XIRP2: variants seen among roughly 807,000 people sequenced by gnomAD.
The protein encoded by XIRP2 is xin actin binding repeat containing 2, also known as xin actin-binding repeat-containing protein 2.
Under a neutral mutation model 277.0 loss-of-function variants are expected in XIRP2, and 236 were observed. The observed-to-expected ratio is 0.85, with a 90% CI of 0.77 to 0.95. XIRP2 has a LOEUF of 0.95. Among genes scored for constraint, XIRP2 ranks in the 40% least tolerant of loss-of-function variants. XIRP2 has a pLI of 0.00. For synonymous variants in XIRP2, 1,490 were observed against 1,416.5 expected, an observed-to-expected ratio of 1.05 and a Z score of -1.17; for missense variants, 4,640 against 4,157.5, an observed-to-expected ratio of 1.12 and a Z score of -3.19.
rs367842428 is a variant in XIRP2 at position 166,916,229 on chromosome 2, T to G, written c.408+12339T>G. On this transcript the variant is annotated intron_variant, in intron 2 of 10. Transcript: ENST00000409195. Reference sequence around the variant, plus strand: ...ACATTTTGGCTTCCACTACATAAAATCATTTCATTAGATGCTAGAATTTAT... The same window carrying G: ...ACATTTTGGCTTCCACTACATAAAAGCATTTCATTAGATGCTAGAATTTAT... Among the ~76,000 whole-genome samples the G allele has an allele frequency of 6.6e-4, 101 of 152,300 alleles. No individual in the cohort carries two copies. The South Asian group carries it at 7.0e-3, about 11-fold the overall frequency.
At chr2:166,966,325 G>C (rs1686431822) in intron 2 of XIRP2, among the ~76,000 whole-genome samples, 1 of 151,628 alleles carries the variant, frequency 6.6e-6, no homozygotes, top group Admixed American at 6.6e-5. Flanking sequence ...ATTAATTTCT[G>C]TTCATATAAC....
At position 167,248,825 on chromosome 2, in the gene XIRP2, A is replaced by C. The variant is rs746133213; in HGVS notation, c.7433A>C (p.Lys2478Thr). 5.6e-6 allele frequency: 9 copies of C among 1,613,580 alleles called. No homozygotes were observed. The highest frequency in any genetic ancestry group is 1.3e-5 in the African/African-American group (1 of 74,860). The change falls in exon 9 of 11, where the codon AAG (lysine) becomes ACG (threonine). Residue 2478 changes from lysine to threonine, a missense_variant. Physicochemically the swap from Lys to Thr is moderately conservative, Grantham distance 78. Coordinates refer to ENST00000409195, the MANE Select transcript of XIRP2 (RefSeq NM_152381.6). ...VMTSSEHTET[K>T]QNVISKSLDE... ...ACCAGCAGTGAACACACGGAGACAA[A>C]GCAGAACGTTATTAGTAAGAGTCTT...
Position 167,248,330 on chromosome 2 carries a change from C to T in XIRP2, c.6938C>T (p.Pro2313Leu), listed in dbSNP as rs747784831. The T allele has an allele frequency of 1.9e-6, 3 of 1,613,790 alleles. No homozygotes were observed. Among genetic ancestry groups the T allele is most frequent in the Admixed American group, 3.3e-5 (2 of 59,994 alleles). The change falls in exon 9 of 11, where the codon CCA (proline) becomes CTA (leucine). Residue 2313 changes from proline (P) to leucine (L), a missense_variant. Pro to Leu is a moderately conservative substitution (Grantham distance 98). Transcript: ENST00000409195. ...GAAATTGAATTTCCTCTTCCTCCTC[C>T]ACCTCCTTTGATGATGTTTCCTGAA... ...SSEIEFPLPP[P>L]PPLMMFPEKN...
At chr2:166,976,364 TTCTA>T (rs1470401183) in intron 2 of XIRP2, among the ~76,000 whole-genome samples, 1 of 152,234 alleles carries the variant, frequency 6.6e-6, no homozygotes, top group Non-Finnish European at 1.5e-5. Flanking sequence ...CTGAAATGTG[TTCTA>T]TCTGTCTTGT....
chr2:167,200,357 T>C (rs570879589), intron 3 of XIRP2, among the ~76,000 whole-genome samples: 1 of 152,338 alleles, frequency 6.6e-6, no homozygotes, highest in East Asian at 1.9e-4. Flanking sequence ...TAGCAAATTT[T>C]TAAAGTGAGT....
At chr2:167,214,723 T>C (rs749338942) in intron 4 of XIRP2, among the ~76,000 whole-genome samples, 5 of 151,964 alleles carry the variant, frequency 3.3e-5, no homozygotes, top group Admixed American at 6.6e-5. Flanking sequence ...TGTGCCACCA[T>C]GCCCGGCTAA....
At chr2:167,014,572 A>G (rs1430891086) in intron 2 of XIRP2, among the ~76,000 whole-genome samples, 1 of 151,752 alleles carries the variant, frequency 6.6e-6, no homozygotes, top group African/African-American at 2.4e-5. Flanking sequence ...AGTGGAGAAT[A>G]TAAAAGCAAA....
chr2:167,235,964 G>T lies in XIRP2; in HGVS notation c.859-3891G>T, dbSNP rs146804299. ...AAAATGAACTGATTATTCTTTCAAA[G>T]CTTGAATCCACTGACATTTTTGCTC... is the stretch of plus-strand genomic sequence containing the variant. On this transcript the variant is annotated intron_variant, in intron 5 of 10. Coordinates refer to ENST00000409195, the MANE Select transcript of XIRP2 (RefSeq NM_152381.6). 5.4e-3 allele frequency among the ~76,000 whole-genome samples: 819 copies of T among 152,006 alleles called. 6 individuals carry two copies. The highest frequency in any genetic ancestry group is 7.0e-3 in the Non-Finnish European group (473 of 67,856).
intron 2 of XIRP2, among the ~76,000 whole-genome samples, chr2:167,115,197 C>T (rs1690864916): frequency 6.6e-6 from 1 of 152,132 alleles, no homozygotes; most frequent in Non-Finnish European, 1.5e-5. Flanking sequence ...TGTTTTTCAG[C>T]TCTATCAGAT....
chr2:167,206,992 T>C (rs1033488846), intron 3 of XIRP2, among the ~76,000 whole-genome samples: 6 of 152,180 alleles, frequency 3.9e-5, no homozygotes, highest in Admixed American at 3.3e-4. Context: ...GCATAGTTTT[T>C]TTTCAGGATC....
chr2:166,935,837 AG>A (rs1685481066), intron 2 of XIRP2, among the ~76,000 whole-genome samples: 2 of 152,196 alleles, frequency 1.3e-5, no homozygotes, highest in Non-Finnish European at 2.9e-5. Context: ...GTTGGTTAAA[AG>A]TCTTTGCTGT....
intron 2 of XIRP2, among the ~76,000 whole-genome samples, chr2:166,975,445 G>A (rs939769830): frequency 1.3e-5 from 2 of 152,060 alleles, no homozygotes; most frequent in African/African-American, 2.4e-5. Context: ...AATAGACTAT[G>A]TTCTGTGACC....
intron 2 of XIRP2, among the ~76,000 whole-genome samples, chr2:167,133,914 T>C (rs566081144): frequency 3.8e-4 from 58 of 152,280 alleles, no homozygotes; most frequent in Middle Eastern, 6.8e-3. Context: ...TATGAACATA[T>C]GGATTTTTTG....
chr2:167,195,614 G>A (rs1298171379), intron 3 of XIRP2, among the ~76,000 whole-genome samples: 1 of 152,192 alleles, frequency 6.6e-6, no homozygotes, highest in Non-Finnish European at 1.5e-5. Context: ...ATGGGTCTGT[G>A]AAGACCAGAC....
At chr2:167,093,714 C>T (rs1690215975) in intron 2 of XIRP2, among the ~76,000 whole-genome samples, 1 of 152,114 alleles carries the variant, frequency 6.6e-6, no homozygotes, top group South Asian at 2.1e-4. Flanking sequence ...TCCTGTCTAA[C>T]ATTGATGGGC....
chr2:167,217,408 G>A (rs1422171033), intron 4 of XIRP2, among the ~76,000 whole-genome samples: 1 of 152,100 alleles, frequency 6.6e-6, no homozygotes, highest in African/African-American at 2.4e-5. Context: ...TGCCTGGGGT[G>A]TGCTAATCCT....
At chr2:166,988,033 C>T (rs1453737757) in intron 2 of XIRP2, among the ~76,000 whole-genome samples, 1 of 152,174 alleles carries the variant, frequency 6.6e-6, no homozygotes, top group East Asian at 1.9e-4. Context: ...AAAAGAGACA[C>T]TGATGTATTT....
intron 3 of XIRP2, among the ~76,000 whole-genome samples, chr2:167,153,331 T>C (rs1410460502): frequency 6.6e-6 from 1 of 152,100 alleles, no homozygotes; most frequent in Admixed American, 6.6e-5. Flanking sequence ...TTAACCACTT[T>C]AAGCTTCAGT....
At chr2:166,978,554 G>T (rs1574131776) in intron 2 of XIRP2, among the ~76,000 whole-genome samples, 1 of 152,086 alleles carries the variant, frequency 6.6e-6, no homozygotes, top group African/African-American at 2.4e-5. Context: ...TTTCAGCAAT[G>T]GGTAGCAGTT....
Sources: allele counts gnomAD v4.1 joint callset (sites outside exome capture counted in the v4.1 genomes callset), GRCh38; gene constraint gnomAD v4.1.1; transcripts MANE v1.5; gene names NCBI Gene and HGNC (gene_info 2026-07-23, HGNC 2026-07-21).